Variants in ODAD2 observed in about 807,000 individuals in gnomAD.
ODAD2 encodes outer dynein arm docking complex subunit 2.
ODAD2 carries 89 observed loss-of-function variants against 106.8 expected under a neutral mutation model. The observed-to-expected ratio is 0.83, with a 90% CI of 0.70 to 0.99. The LOEUF (loss-of-function observed/expected upper bound fraction) is 0.99. ODAD2 is among the 50% of genes least tolerant of loss of function. The pLI, the probability that ODAD2 is intolerant of heterozygous loss-of-function variation, is 0.00. For synonymous variants in ODAD2, 404 were observed against 436.2 expected (o/e 0.93, Z 0.92); for missense variants, 1,168 against 1,238.5 (o/e 0.94, Z 0.85).
At chr10:27,992,803 C>T (rs1394476077) in intron 2 of ODAD2, among the ~76,000 whole-genome samples, 1 of 152,152 alleles carries the variant, frequency 6.6e-6, no homozygotes, top group African/African-American at 2.4e-5. Flanking sequence ...TGTCACAGCC[C>T]ACCTAACTAG....
At chr10:27,922,227 T>TTATATCTAG (rs1844849413) in intron 16 of ODAD2, among the ~76,000 whole-genome samples, 1 of 151,324 alleles carries the variant, frequency 6.6e-6, no homozygotes, top group Admixed American at 6.6e-5. Context: ...TAAAAGAACT[T>TTATATCTAG]TATATCTAGC....
intron 7 of ODAD2, among the ~76,000 whole-genome samples, chr10:27,976,900 A>G (rs1849225760): frequency 6.6e-6 from 1 of 152,234 alleles, no homozygotes; most frequent in South Asian, 2.1e-4. Flanking sequence ...TAGAGAAATC[A>G]AAGTTACAGT....
At chr10:27,839,865 T>C (rs1838182577) in intron 19 of ODAD2, among the ~76,000 whole-genome samples, 3 of 152,208 alleles carry the variant, frequency 2.0e-5, no homozygotes, top group Admixed American at 1.3e-4. Context: ...AGTATAATAG[T>C]ACACCTCCTA....
chr10:27,992,450 G>C (rs1384925132), intron 2 of ODAD2, among the ~76,000 whole-genome samples: 1 of 152,116 alleles, frequency 6.6e-6, no homozygotes, highest in East Asian at 1.9e-4. Flanking sequence ...GCAATTCAGG[G>C]GGCCAAGGTA....
chr10:27,885,737 T>TATAATA (rs1367530369), intron 17 of ODAD2, among the ~76,000 whole-genome samples: 2 of 47,484 alleles, frequency 4.2e-5, no homozygotes, highest in Non-Finnish European at 7.4e-5. Context: ...ATAAAATATA[T>TATAATA]TATGTTATAT....
Position 27,926,004 on chromosome 10 carries a change from TA to T in ODAD2, c.2495+9005del, listed in dbSNP as rs34649733. ...CTGGGTGACAGAGTGAGACTCCAGC[TA>T]AAAAAAAAAAAAAAAAAAAGTAACA... On this transcript the variant is annotated intron_variant, in intron 16 of 19. Coordinates refer to ENST00000305242, the MANE Select transcript of ODAD2 (RefSeq NM_018076.5). Among the ~76,000 whole-genome samples the T allele has an allele frequency of 2.2e-3, 230 of 102,970 alleles. 2 individuals are homozygous for T. The highest frequency in any genetic ancestry group is 0.013 in the East Asian group (48 of 3,726). The allele number at this position is 102,970 out of a possible 152,430, so 67.6% of individuals were successfully genotyped here. A position where few individuals can be genotyped will look rare whatever the true frequency, so the allele number is the denominator to read the frequency against.
At chr10:27,918,093 A>T (rs1018129858) in intron 16 of ODAD2, among the ~76,000 whole-genome samples, 1 of 151,978 alleles carries the variant, frequency 6.6e-6, no homozygotes, top group African/African-American at 2.4e-5. Flanking sequence ...TAAGTGAATT[A>T]TATCAATATT....
At chr10:27,847,804 G>T (rs1227422382) in intron 19 of ODAD2, among the ~76,000 whole-genome samples, 23 of 152,058 alleles carry the variant, frequency 1.5e-4, no homozygotes, top group Admixed American at 1.2e-3. Flanking sequence ...CAAATCATGA[G>T]TGAACTCCCA....
intron 17 of ODAD2, among the ~76,000 whole-genome samples, chr10:27,902,760 T>C (rs191313163): frequency 2.0e-5 from 3 of 152,220 alleles, no homozygotes; most frequent in Non-Finnish European, 4.4e-5. Flanking sequence ...AGAAATCAAA[T>C]CACTGAATAG....
At chr10:27,996,056 T>C (rs1850541202) in intron 1 of ODAD2, among the ~76,000 whole-genome samples, 1 of 152,234 alleles carries the variant, frequency 6.6e-6, no homozygotes. Context: ...GAAGATCTTT[T>C]AAAAAGTAAC....
chr10:27,984,634 G>A (rs954588870), intron 4 of ODAD2, among the ~76,000 whole-genome samples: 9 of 152,068 alleles, frequency 5.9e-5, no homozygotes, highest in African/African-American at 2.2e-4. Context: ...GAGAGCATTT[G>A]AAAATAACAA....
chr10:27,857,858 T>C (rs1473305476), intron 19 of ODAD2, among the ~76,000 whole-genome samples: 1 of 152,208 alleles, frequency 6.6e-6, no homozygotes. Context: ...ATTCACTCAT[T>C]GGCAGCTGCA....
intron 9 of ODAD2, among the ~76,000 whole-genome samples, chr10:27,966,386 C>T (rs1180078244): frequency 6.6e-6 from 1 of 152,212 alleles, no homozygotes; most frequent in African/African-American, 2.4e-5. Context: ...GTCTAACAAG[C>T]TCCTGGAGTT....
intron 12 of ODAD2, 94 bp from the exon 13 acceptor site, chr10:27,940,899 C>T (rs1590084230): frequency 1.8e-5 from 23 of 1,307,330 alleles, no homozygotes; most frequent in South Asian, 5.7e-5. Flanking sequence ...CCAAGCTCAC[C>T]TCCGTCAAAA....
intron 16 of ODAD2, among the ~76,000 whole-genome samples, chr10:27,923,325 A>G (rs1844926819): frequency 6.6e-6 from 1 of 151,996 alleles, no homozygotes; most frequent in South Asian, 2.1e-4. Context: ...AAGCAAATGG[A>G]AACAGTAAGA....
chr10:27,918,400 AG>A (rs1344472735), intron 16 of ODAD2, among the ~76,000 whole-genome samples: 1 of 151,562 alleles, frequency 6.6e-6, no homozygotes, highest in African/African-American at 2.4e-5. Flanking sequence ...CTTTATTAAT[AG>A]AACAAAAGAA....
chr10:27,817,010 A>G (rs1026357443), intron 19 of ODAD2, among the ~76,000 whole-genome samples: 1 of 152,122 alleles, frequency 6.6e-6, no homozygotes. Context: ...TCGGCCTCCA[A>G]AAGTGCTTGG....
chr10:27,934,246 T>C (rs965425690), intron 16 of ODAD2, among the ~76,000 whole-genome samples: 5 of 152,002 alleles, frequency 3.3e-5, no homozygotes, highest in African/African-American at 1.2e-4. Flanking sequence ...TATGTCTTTA[T>C]CAGCAGCATG....
rs1564509324 is a variant in ODAD2, at chr10:27,924,012, A to AGGAAAG, written c.2495+10997_2495+10998insCTTTCC. ...AAAGAAAGAAAGAAAGAAAGAAAGAAAGAAAGAAAGAAGGAAAGAGAAAGA... is the reference window on the plus strand; with the variant it reads ...AAAGAAAGAAAGAAAGAAAGAAAGAAGGAAAGAGAAAGAAAGAAGGAAAGAGAAAGA... On this transcript the variant is annotated intron_variant, in intron 16 of 19. Transcript: ENST00000305242. Among the ~76,000 whole-genome samples, 422 of 113,282 alleles carry AGGAAAG rather than the reference A, an allele frequency of 3.7e-3. 14 individuals carry two copies. The highest frequency in any genetic ancestry group is 9.2e-3 in the African/African-American group (226 of 24,606). 74.3% of individuals were successfully genotyped at this position (113,282 alleles called of 152,430 possible).
Sources: gnomAD v4.1 joint callset for allele counts (sites outside exome capture counted in the v4.1 genomes callset) on GRCh38, gnomAD v4.1.1 for gene constraint, MANE v1.5 for transcripts, NCBI Gene and HGNC (gene_info 2026-07-23, HGNC 2026-07-21) for gene names.